Variants in ASIP observed in about 807,000 individuals in gnomAD.
The protein encoded by ASIP is agouti signaling protein.
A neutral mutation model predicts 10.3 loss-of-function variants in ASIP; 11 were observed. The observed-to-expected ratio is 1.07, with a 90% CI of 0.68 to 1.78. ASIP has a LOEUF of 1.78. ASIP is among the 40% of genes most tolerant of loss of function. ASIP has a pLI of 0.00. For synonymous variants in ASIP, 70 were observed against 70.8 expected, an observed-to-expected ratio of 0.99 and a Z score of 0.06; for missense variants, 180 against 169.2, an observed-to-expected ratio of 1.06 and a Z score of -0.35.
At chr20:34,233,253 T>C (rs2035136510) in intron 1 of ASIP, among the ~76,000 whole-genome samples, 1 of 148,370 alleles carries the variant, frequency 6.7e-6, no homozygotes, top group South Asian at 2.2e-4. Context: ...GTTCACCCCA[T>C]TCTCCTGCCT....
At chr20:34,196,178 T>TC (rs2034855292) in intron 1 of ASIP, among the ~76,000 whole-genome samples, 1 of 137,172 alleles carries the variant, frequency 7.3e-6, no homozygotes, top group Admixed American at 7.0e-5. Flanking sequence ...GATTTCTTTT[T>TC]TTTTTTTTTT....
At chr20:34,265,687 C>T (rs899390547) in intron 3 of ASIP, among the ~76,000 whole-genome samples, 1 of 152,142 alleles carries the variant, frequency 6.6e-6, no homozygotes, top group African/African-American at 2.4e-5. Context: ...CAGTGGCTCA[C>T]ACCTGTAATC....
chr20:34,263,623 G>C (rs1256140274), intron 3 of ASIP, among the ~76,000 whole-genome samples: 2 of 151,170 alleles, frequency 1.3e-5, no homozygotes, highest in African/African-American at 2.4e-5. Flanking sequence ...ACATGTGTTT[G>C]AACTCATGGG....
chr20:34,262,086 C>T (rs944535313), intron 2 of ASIP, among the ~76,000 whole-genome samples: 4 of 151,758 alleles, frequency 2.6e-5, no homozygotes, highest in Non-Finnish European at 4.4e-5. Flanking sequence ...GTACTCCAGC[C>T]TGGGCAACAG....
chr20:34,214,753 A>T, intron 1 of ASIP: 1 of 1,280,770 alleles, frequency 7.8e-7, no homozygotes. Context: ...GATTGCCTCC[A>T]CATTAGCTTT....
At chr20:34,231,717 C>T (rs182021698) in intron 1 of ASIP, among the ~76,000 whole-genome samples, 58 of 152,202 alleles carry the variant, frequency 3.8e-4, no homozygotes, top group African/African-American at 1.1e-3. Flanking sequence ...AGATACTCTA[C>T]CAAAAAATAT....
intron 1 of ASIP, among the ~76,000 whole-genome samples, chr20:34,258,695 A>ATATATATATATATATATATATATATAT (rs1568768712): frequency 6.4e-5 from 1 of 15,548 alleles, no homozygotes; most frequent in Non-Finnish European, 1.5e-4. Flanking sequence ...ATATATACAT[A>ATATATATATATATATATATATATATAT]CTATATATAT....
At position 34,260,510 on chromosome 20, in the gene ASIP, G is replaced by T. The variant is rs1304813384; in HGVS notation, c.136G>T (p.Asp46Tyr). 1 of 1,613,494 alleles carries T rather than the reference G, an allele frequency of 6.2e-7. No individual in the cohort carries two copies. Among genetic ancestry groups the T allele is most frequent in the East Asian group, 2.2e-5 (1 of 44,870 alleles). ...AAGCAACTCCTCTGTGAACCTACTG[G>T]ATGTCCCTTCTGTCTCTATTGTGGG... is the stretch of plus-strand genomic sequence containing the variant. ...LRSNSSVNLL[D>Y]VPSVSIVALN... is the part of the protein sequence containing the mutation. The change falls in exon 2 of 4, where the codon GAT becomes TAT. Residue 46 changes from aspartate to tyrosine, a missense_variant. Transcript: ENST00000374954.
chr20:34,245,351 G>A (rs74748111), intron 1 of ASIP, among the ~76,000 whole-genome samples: 1 of 145,354 alleles, frequency 6.9e-6, no homozygotes. Context: ...AAAAAAAAAA[G>A]AGAGAGAGAC....
chr20:34,253,914 G>T (rs904194162), intron 1 of ASIP, among the ~76,000 whole-genome samples: 26 of 152,180 alleles, frequency 1.7e-4, no homozygotes, highest in African/African-American at 6.3e-4. Context: ...CCTAAATACA[G>T]ATGATGAATT....
At chr20:34,189,641 A>G (rs114600855), upstream of ASIP, among the ~76,000 whole-genome samples, 351 of 152,354 alleles carry the variant, frequency 2.3e-3, 2 homozygotes, top group African/African-American at 7.7e-3. Context: ...ATAACACATT[A>G]TAACACAGGG....
intron 1 of ASIP, chr20:34,215,294 C>T: frequency 6.5e-7 from 1 of 1,547,866 alleles, no homozygotes; most frequent in Non-Finnish European, 8.9e-7. Context: ...CACATCACTT[C>T]AGAATTAGTA....
Position 34,269,132 on chromosome 20 carries a change from G to A in ASIP, c.364G>A (p.Ala122Thr). 1.3e-6 allele frequency: 2 copies of A among 1,551,522 alleles called. No individual in the cohort carries two copies. The highest frequency in any genetic ancestry group is 1.7e-6 in the Non-Finnish European group (2 of 1,148,018). ...ASCQCRFFRS[A>T]CSCRVLSLNC Reference sequence around the variant, plus strand: ...CTGCCAGTGCCGCTTCTTCCGCAGCGCCTGCTCCTGCCGCGTGCTCAGCCT... The same window carrying A: ...CTGCCAGTGCCGCTTCTTCCGCAGCACCTGCTCCTGCCGCGTGCTCAGCCT... The change falls in exon 4 of 4, where the codon GCC becomes ACC. Residue 122 changes from alanine to threonine, a missense_variant. Transcript: ENST00000374954.
At chr20:34,197,175 C>G (rs953343581) in intron 1 of ASIP, among the ~76,000 whole-genome samples, 3 of 151,956 alleles carry the variant, frequency 2.0e-5, no homozygotes, top group Non-Finnish European at 4.4e-5. Context: ...GAGTTTGAGA[C>G]CAGCCTGGCC....
At chr20:34,214,026 T>C in intron 1 of ASIP, 1 of 1,444,484 alleles carries the variant, frequency 6.9e-7, no homozygotes, top group Non-Finnish European at 9.6e-7. Flanking sequence ...TTAAGGCTTC[T>C]TTCCTTTCTG....
At chr20:34,246,201 G>A (rs1284328079) in intron 1 of ASIP, 20 of 1,418,428 alleles carry the variant, frequency 1.4e-5, no homozygotes, top group African/African-American at 1.4e-5. Context: ...GCCTTAGTAA[G>A]CTTTTGTGGT....
At chr20:34,224,132 T>C (rs2035076262) in intron 1 of ASIP, among the ~76,000 whole-genome samples, 1 of 145,680 alleles carries the variant, frequency 6.9e-6, no homozygotes, top group Non-Finnish European at 1.5e-5. Flanking sequence ...TTTGTTCACT[T>C]GTTTATCTGC....
chr20:34,235,942 GAAGA>G (rs1283863737), intron 1 of ASIP, among the ~76,000 whole-genome samples: 5 of 127,752 alleles, frequency 3.9e-5, no homozygotes, highest in Non-Finnish European at 6.4e-5. Context: ...GGGAGGGAGG[GAAGA>G]AGGAAGGAAG....
chr20:34,240,221 C>T (rs1300510066), upstream of ASIP, among the ~76,000 whole-genome samples: 2 of 152,212 alleles, frequency 1.3e-5, no homozygotes, highest in Non-Finnish European at 2.9e-5. Flanking sequence ...GTAGGCAAAA[C>T]TATTCTTAAA....
Sources: allele counts gnomAD v4.1 joint callset (sites outside exome capture counted in the v4.1 genomes callset), GRCh38; gene constraint gnomAD v4.1.1; transcripts MANE v1.5; gene names NCBI Gene and HGNC (gene_info 2026-07-23, HGNC 2026-07-21).